The following WDPCP variants were observed in gnomAD, a reference collection of about 807,000 sequenced individuals.
WDPCP encodes WD repeat containing planar cell polarity effector, also known as WD repeat-containing and planar cell polarity effector protein fritz homolog.
A neutral mutation model predicts 93.1 loss-of-function variants in WDPCP; 71 were observed. That is an observed-to-expected ratio of 0.76 (90% confidence interval 0.63 to 0.93). The LOEUF (loss-of-function observed/expected upper bound fraction) is 0.93. Ranked by LOEUF, WDPCP falls within the 40% of genes least tolerant of loss-of-function variation. The probability of loss-of-function intolerance (pLI) is 0.00; values close to 1 mark genes in which losing one functional copy is unlikely to be tolerated. For missense variants in WDPCP, 844 were observed against 887.4 expected (o/e 0.95, Z 0.62); for synonymous variants, 315 against 315.0 (o/e 1.00, Z 0.00).
chr2:63,690,528 C>T (rs1295791415), intron 2 of WDPCP, among the ~76,000 whole-genome samples: 2 of 152,012 alleles, frequency 1.3e-5, no homozygotes, highest in African/African-American at 4.8e-5. Context: ...CTGAAATGGG[C>T]AGATCGCTTG....
chr2:63,604,042 G>C (rs1575726447), intron 3 of WDPCP, among the ~76,000 whole-genome samples: 1 of 152,322 alleles, frequency 6.6e-6, no homozygotes, highest in East Asian at 1.9e-4. Flanking sequence ...GCTTTCTGGA[G>C]TTATAGCTAG....
intron 10 of WDPCP, among the ~76,000 whole-genome samples, chr2:63,393,879 T>C (rs1231275212): frequency 6.6e-6 from 1 of 152,122 alleles, no homozygotes; most frequent in African/African-American, 2.4e-5. Flanking sequence ...ATACAGAAGA[T>C]TGAAACTGGA....
intron 1 of WDPCP, among the ~76,000 whole-genome samples, chr2:63,524,899 T>C (rs1015581563): frequency 3.9e-5 from 6 of 152,170 alleles, no homozygotes; most frequent in African/African-American, 1.2e-4. Context: ...ATTTGGTATA[T>C]ACCTAAAGGA....
chr2:63,616,117 AG>A (rs1380045920), intron 3 of WDPCP, among the ~76,000 whole-genome samples: 2 of 152,358 alleles, frequency 1.3e-5, no homozygotes, highest in African/African-American at 4.8e-5. Context: ...ACACACATAT[AG>A]TACAATAAAT....
chr2:63,725,168 G>A (rs1206524316), intron 2 of WDPCP, among the ~76,000 whole-genome samples: 4 of 152,020 alleles, frequency 2.6e-5, no homozygotes, highest in Admixed American at 6.6e-5. Context: ...CACAGTACTC[G>A]ATAGATAGTT....
intron 2 of WDPCP, among the ~76,000 whole-genome samples, chr2:63,813,391 G>A (rs1423909868): frequency 6.6e-6 from 1 of 152,162 alleles, no homozygotes; most frequent in Non-Finnish European, 1.5e-5. Context: ...CTAAGCTTCA[G>A]TACTAACTTT....
rs1430729387 is a variant in WDPCP at position 63,404,427 on chromosome 2, C to G, written c.1056G>C (p.Leu352=). 6.2e-7 allele frequency: 1 copy of G among 1,614,086 alleles called. No homozygotes were observed. The highest frequency in any genetic ancestry group is 8.5e-7 in the Non-Finnish European group (1 of 1,180,030). ...GCGAAGAATCTTCACAGCCCAGAATCAGTTTGTCTTCAGTAACATTCCTGC... is the reference window on the plus strand; with the variant it reads ...GCGAAGAATCTTCACAGCCCAGAATGAGTTTGTCTTCAGTAACATTCCTGC... ...SCCRNVTEDK[L]ILGCEDSSLI... is the part of the protein sequence containing the mutation. Residue 352 remains leucine (L), a synonymous_variant, in exon 10 of 18, where the codon CTG becomes CTC. Coordinates refer to ENST00000272321, the MANE Select transcript of WDPCP (RefSeq NM_015910.7).
At chr2:63,835,363 C>G in the WDPCP span, among the ~76,000 whole-genome samples, 1 of 138,410 alleles carries the variant, frequency 7.2e-6, no homozygotes, top group Non-Finnish European at 1.5e-5. Flanking sequence ...TCACTCCAGC[C>G]TGGGTGACAG....
At chr2:63,274,425 A>G (rs1405425193) in intron 13 of WDPCP, among the ~76,000 whole-genome samples, 2 of 152,136 alleles carry the variant, frequency 1.3e-5, no homozygotes. Flanking sequence ...TGAAGGAACT[A>G]GAAAAGCAAC....
chr2:63,819,696 C>T (rs1263254215), intron 1 of WDPCP, among the ~76,000 whole-genome samples: 1 of 152,096 alleles, frequency 6.6e-6, no homozygotes, highest in East Asian at 1.9e-4. Context: ...CTATTCTAGC[C>T]CAATGTCAGA....
At chr2:63,836,294 G>A in the WDPCP span, among the ~76,000 whole-genome samples, 1 of 152,258 alleles carries the variant, frequency 6.6e-6, no homozygotes, top group Middle Eastern at 3.4e-3. Flanking sequence ...TAATAAACTA[G>A]ACCAGAGGCA....
intron 12 of WDPCP, among the ~76,000 whole-genome samples, chr2:63,316,007 C>T (rs1287401571): frequency 6.6e-6 from 1 of 151,924 alleles, no homozygotes; most frequent in Non-Finnish European, 1.5e-5. Context: ...GAGTGATCTT[C>T]CTGCCTCAGC....
chr2:63,564,778 CT>C (rs10713306), intron 1 of WDPCP, among the ~76,000 whole-genome samples: 58,997 of 121,754 alleles, frequency 0.48, 12,126 homozygotes, highest in East Asian at 0.69. Flanking sequence ...AAAACTGCAC[CT>C]TTTTTTTTTT....
intron 1 of WDPCP, among the ~76,000 whole-genome samples, chr2:63,572,500 T>C (rs560238118): frequency 4.0e-5 from 6 of 151,690 alleles, no homozygotes; most frequent in Admixed American, 1.3e-4. Context: ...GTCAGGAGCT[T>C]GAGACCAGCC....
At chr2:63,621,344 A>C (rs1015661927) in intron 3 of WDPCP, among the ~76,000 whole-genome samples, 3 of 152,002 alleles carry the variant, frequency 2.0e-5, no homozygotes, top group Non-Finnish European at 4.4e-5. Context: ...GACATGATGG[A>C]GCTGAAAAAC....
At chr2:63,712,194 A>G (rs1575754964) in intron 2 of WDPCP, among the ~76,000 whole-genome samples, 1 of 152,328 alleles carries the variant, frequency 6.6e-6, no homozygotes, top group Non-Finnish European at 1.5e-5. Context: ...GGAAGGGCCC[A>G]GTGTGCCAGC....
At chr2:63,216,203 C>G (rs1384142762) in intron 14 of WDPCP, among the ~76,000 whole-genome samples, 1 of 152,166 alleles carries the variant, frequency 6.6e-6, no homozygotes, top group Admixed American at 6.5e-5. Context: ...CATCCTATCA[C>G]TGGGCATATA....
chr2:63,124,871 T>G (rs889888085), intron 17 of WDPCP, among the ~76,000 whole-genome samples: 1 of 146,930 alleles, frequency 6.8e-6, no homozygotes, highest in African/African-American at 2.5e-5. Flanking sequence ...CTGTAAAGGG[T>G]TTTTTTTTTT....
At chr2:63,749,537 T>C (rs781686850) in intron 2 of WDPCP, among the ~76,000 whole-genome samples, 1 of 152,112 alleles carries the variant, frequency 6.6e-6, no homozygotes, top group Admixed American at 6.6e-5. Flanking sequence ...ACATAAAATA[T>C]TCAACACTTT....
Sources: gnomAD v4.1 joint callset for allele counts (sites outside exome capture counted in the v4.1 genomes callset) on GRCh38, gnomAD v4.1.1 for gene constraint, MANE v1.5 for transcripts, NCBI Gene and HGNC (gene_info 2026-07-23, HGNC 2026-07-21) for gene names.